Variants in MTERF1 observed in about 807,000 individuals in gnomAD.
MTERF1 encodes transcription termination factor 1, mitochondrial.
MTERF1 carries 29 observed loss-of-function variants against 31.6 expected under a neutral mutation model. That is an observed-to-expected ratio of 0.92 (90% confidence interval 0.68 to 1.25). The LOEUF is 1.25. Among genes scored for constraint, MTERF1 ranks in the 50% most tolerant of loss-of-function variants. The probability of loss-of-function intolerance (pLI) is 0.00; values close to 1 mark genes in which losing one functional copy is unlikely to be tolerated. For missense variants in MTERF1, 500 were observed against 469.1 expected (o/e 1.07, Z -0.61); for synonymous variants, 152 against 164.1 (o/e 0.93, Z 0.57).
At position 91,874,251 on chromosome 7, in the gene MTERF1, C is replaced by T. The variant is rs781728055; in HGVS notation, c.543G>A (p.Lys181=). 5.0e-6 allele frequency: 8 copies of T among 1,613,980 alleles called. No homozygotes were observed. The highest frequency in any genetic ancestry group is 6.8e-6 in the Non-Finnish European group (8 of 1,179,998). ...GGGTCAATCCAACTGAGTAGAGGAA[C>T]TTTATATTATTCTCTAAGTTTAGGT... ...NNNLNLENNI[K]FLYSVGLTRK... is the part of the protein sequence containing the mutation. The change falls in exon 3 of 3, where the codon AAG becomes AAA. Residue 181 remains lysine, a synonymous_variant. Transcript: ENST00000351870.
intron 2 of MTERF1, chr7:91,877,115 T>C (rs1789365119): frequency 6.0e-6 from 1 of 166,196 alleles, no homozygotes; most frequent in African/African-American, 2.4e-5. Flanking sequence ...CTGTAAGACA[T>C]ATATAATCAA....
rs544241455 is a variant in MTERF1, at chr7:91,873,180, T to C, written c.*414A>G. ...AAAACAACACAAATTTACCATCTTA[T>C]GGTTCTGTGGGTCAGAAGTTTGACA... On this transcript the variant is annotated 3_prime_UTR_variant, in exon 3 of 3. Transcript: ENST00000351870. 19 of 157,266 alleles carry C rather than the reference T, an allele frequency of 1.2e-4. No homozygotes were observed. Among genetic ancestry groups the C allele is most frequent in the Admixed American group, 9.5e-4 (15 of 15,726 alleles). 9.7% of individuals were successfully genotyped at this position (157,266 alleles called of 1,614,324 possible).
rs1350626220 is a variant in MTERF1 at position 91,874,535 on chromosome 7, C to G, written c.259G>C (p.Asp87His). The change falls in exon 3 of 3, where the codon GAC becomes CAC. Residue 87 changes from aspartate (D) to histidine (H), a missense_variant. Coordinates refer to ENST00000351870, the MANE Select transcript of MTERF1 (RefSeq NM_006980.5). ...KNLLTMGVDI[D>H]MARKRQPGVF... is the part of the protein sequence containing the mutation. ...CCAGGCTGTCGTTTCCTTGCCATGT[C>G]AATATCTACTCCCATAGTAAGTAAG... The G allele has an allele frequency of 1.2e-6, 2 of 1,614,090 alleles. No individual in the cohort carries two copies. Among genetic ancestry groups the G allele is most frequent in the Non-Finnish European group, 1.7e-6 (2 of 1,180,020 alleles).
Position 91,874,204 on chromosome 7 carries a change from A to T in MTERF1, c.590T>A (p.Leu197Ter). The T allele has an allele frequency of 6.2e-7, 1 of 1,614,204 alleles. No homozygotes were observed. Among genetic ancestry groups the T allele is most frequent in the East Asian group, 2.2e-5 (1 of 44,886 alleles). ...GGAGAAGGTACGAGGGGCATTGGTC[A>T]ACAATCGACAAAGGCATTTACGGGT... The part of the protein sequence containing the change: ...GLTRKCLCRL[L>*]TNAPRTFSNS... Residue 197 changes from leucine to a stop codon, truncating the protein, a stop_gained, in exon 3 of 3, where the codon TTG becomes TAG. Transcript: ENST00000351870. LOFTEE classifies it high-confidence loss of function.
In MTERF1 at chr7:91,874,265, C is replaced by CT. The variant is rs1708671518; in HGVS notation, c.528dup (p.Glu177ArgfsTer3). 6.2e-7 allele frequency: 1 copy of CT among 1,613,880 alleles called. No individual in the cohort carries two copies. Among genetic ancestry groups the CT allele is most frequent in the Admixed American group, 1.7e-5 (1 of 59,980 alleles). ...GAGTAGAGGAACTTTATATTATTCTCTAAGTTTAGGTTGTTATTGGACCGA... is the reference window on the plus strand; with the variant it reads ...GAGTAGAGGAACTTTATATTATTCTCTTAAGTTTAGGTTGTTATTGGACCGA... On this transcript the variant is annotated frameshift_variant, in exon 3 of 3. Transcript: ENST00000351870. LOFTEE classifies it high-confidence loss of function.
In MTERF1 at chr7:91,873,960, T is replaced by C. The variant is rs1554356731; in HGVS notation, c.834A>G (p.Gly278=). The C allele has an allele frequency of 6.2e-7, 1 of 1,614,082 alleles. No individual in the cohort carries two copies. Among genetic ancestry groups the C allele is most frequent in the South Asian group, 1.1e-5 (1 of 91,074 alleles). Residue 278 remains glycine (G), a synonymous_variant, in exon 3 of 3, where the codon GGA becomes GGG. Transcript: ENST00000351870. ...CATTGGAAAGGTCTAGGATTTCAGC[T>C]CCTGGACCACATATCAGAACCAGCA... ...EELLVLICGP[G]AEILDLSNDY...
At chr7:91,878,256 C>G (rs944120565) in intron 2 of MTERF1, among the ~76,000 whole-genome samples, 5 of 152,118 alleles carry the variant, frequency 3.3e-5, no homozygotes, top group African/African-American at 1.2e-4. Context: ...AATAAATTTA[C>G]TCTAAAAATG....
At position 91,873,204 on chromosome 7, in the gene MTERF1, C is replaced by A. The variant is rs1789226498; in HGVS notation, c.*390G>T. On this transcript the variant is annotated 3_prime_UTR_variant, in exon 3 of 3. Coordinates refer to ENST00000351870, the MANE Select transcript of MTERF1 (RefSeq NM_006980.5). ...ATGGTTCTGTGGGTCAGAAGTTTGA[C>A]ATTGATCTCACTGGGCTAAAAAGGT... The A allele has an allele frequency of 6.2e-6, 1 of 160,498 alleles. No homozygotes were observed. Among genetic ancestry groups the A allele is most frequent in the Non-Finnish European group, 1.4e-5 (1 of 73,828 alleles). The allele number at this position is 160,498 out of a possible 1,614,324, so 9.9% of individuals were successfully genotyped here.
Position 91,876,967 on chromosome 7 carries a change from G to C in MTERF1, c.30-2203C>G, listed in dbSNP as rs1473943445. On this transcript the variant is annotated intron_variant, in intron 2 of 2. Transcript: ENST00000351870. ...GGCAGAATGCGTCAGCTGGAAATCA[G>C]ATCAGTACTTTCTAGAGAGGTCCAA... The C allele has an allele frequency of 6.1e-6, 6 of 983,892 alleles. No individual in the cohort carries two copies. In the East Asian group the frequency reaches 3.4e-4, roughly 56 times the overall value. 60.9% of individuals were successfully genotyped at this position (983,892 alleles called of 1,614,324 possible). A position where few individuals can be genotyped will look rare whatever the true frequency, so the allele number is the denominator to read the frequency against.
In MTERF1 at chr7:91,871,000, G is replaced by A. The variant is rs1285172381; in HGVS notation, c.*2594C>T. 6.7e-6 allele frequency: 1 copy of A among 150,038 alleles called. No individual in the cohort carries two copies. Among genetic ancestry groups the A allele is most frequent in the African/African-American group, 2.5e-5 (1 of 40,546 alleles). 9.3% of individuals were successfully genotyped at this position (150,038 alleles called of 1,614,324 possible). On this transcript the variant is annotated 3_prime_UTR_variant, in exon 3 of 3. Coordinates refer to ENST00000351870, the MANE Select transcript of MTERF1 (RefSeq NM_006980.5). Reference sequence around the variant, plus strand: ...TACCCAGGCTGGTCTTGAACTCCTGGGCTCAAGCAATCCTCCCACCTCGGC... The same window carrying A: ...TACCCAGGCTGGTCTTGAACTCCTGAGCTCAAGCAATCCTCCCACCTCGGC...
In MTERF1 at chr7:91,880,656, C is replaced by G. The variant is rs771550897; in HGVS notation, c.-31+1G>C. ...CAGCCTCACCACCTTCCCAATCTCA[C>G]CCTGAACTGCACCCATCCACTGTAG... On this transcript the variant is annotated splice_donor_variant, in intron 1 of 2. Coordinates refer to ENST00000351870, the MANE Select transcript of MTERF1 (RefSeq NM_006980.5). LOFTEE classifies it low-confidence loss of function (5UTR_SPLICE). 1 of 153,656 alleles carries G rather than the reference C, an allele frequency of 6.5e-6. No homozygotes were observed. The highest frequency in any genetic ancestry group is 1.9e-4 in the East Asian group (1 of 5,210). The allele number at this position is 153,656 out of a possible 1,614,324, so 9.5% of individuals were successfully genotyped here. A position where few individuals can be genotyped will look rare whatever the true frequency, so the allele number is the denominator to read the frequency against.
intron 2 of MTERF1, among the ~76,000 whole-genome samples, chr7:91,879,242 T>C (rs540247166): frequency 1.3e-5 from 2 of 152,284 alleles, no homozygotes; most frequent in Admixed American, 1.3e-4. Flanking sequence ...TGGCCACCAA[T>C]AGAATAATTA....
intron 2 of MTERF1, chr7:91,876,880 T>G: frequency 1.0e-6 from 1 of 982,328 alleles, no homozygotes. Flanking sequence ...GGCTCTACCT[T>G]GCATAGTTCA....
At chr7:91,876,946 G>A in intron 2 of MTERF1, 1 of 985,356 alleles carries the variant, frequency 1.0e-6, no homozygotes, top group Non-Finnish European at 1.2e-6. Context: ...TAAAGGGGCA[G>A]AATGCGTCAG....
At position 91,874,390 on chromosome 7, in the gene MTERF1, G is replaced by C. The variant is rs773197455; in HGVS notation, c.404C>G (p.Thr135Ser). 6.2e-7 allele frequency: 1 copy of C among 1,614,132 alleles called. No homozygotes were observed. Among genetic ancestry groups the C allele is most frequent in the Non-Finnish European group, 8.5e-7 (1 of 1,180,028 alleles). Residue 135 changes from threonine (T) to serine (S), a missense_variant, in exon 3 of 3, where the codon ACT (threonine) becomes AGT (serine). Transcript: ENST00000351870. ...CCACCGTTTTGAAAGATTCTCGGGAGTACGTGTTATTGCTCGTGGATATCT... is the reference window on the plus strand; with the variant it reads ...CCACCGTTTTGAAAGATTCTCGGGACTACGTGTTATTGCTCGTGGATATCT... The part of the protein sequence containing the change: ...ISRYPRAITR[T>S]PENLSKRWDL...
chr7:91,874,801 A>T, intron 2 of MTERF1, 37 bp from the exon 3 acceptor site: 1 of 1,433,654 alleles, frequency 7.0e-7, no homozygotes, highest in Non-Finnish European at 9.5e-7. Context: ...ACACAAATGC[A>T]TGTGTTAAAC....
At chr7:91,875,987 A>T (rs1789336807) in intron 2 of MTERF1, among the ~76,000 whole-genome samples, 1 of 152,288 alleles carries the variant, frequency 6.6e-6, no homozygotes, top group Middle Eastern at 3.4e-3. Context: ...TTAAAACGTT[A>T]CCTTTACCAT....
chr7:91,875,803 T>C (rs1326668523), intron 2 of MTERF1, among the ~76,000 whole-genome samples: 3 of 152,234 alleles, frequency 2.0e-5, no homozygotes, highest in Admixed American at 6.5e-5. Context: ...TATATAGACC[T>C]CTAGTCAACA....
At chr7:91,879,988 C>T in intron 2 of MTERF1, 67 bp downstream of exon 2, 1 of 1,581,120 alleles carries the variant, frequency 6.3e-7, no homozygotes, top group East Asian at 2.2e-5. Context: ...CCTAAAATAC[C>T]ACATTCCAGC....
Sources: gnomAD v4.1 joint callset for allele counts (sites outside exome capture counted in the v4.1 genomes callset) on GRCh38, gnomAD v4.1.1 for gene constraint, MANE v1.5 for transcripts, NCBI Gene and HGNC (gene_info 2026-07-23, HGNC 2026-07-21) for gene names.